Variants in DRP2 observed in about 807,000 individuals in gnomAD.
The protein encoded by DRP2 is dystrophin-related protein 2.
Under a neutral mutation model 78.2 loss-of-function variants are expected in DRP2, and 29 were observed. That is an observed-to-expected ratio of 0.37 (90% CI 0.28 to 0.51). The LOEUF (loss-of-function observed/expected upper bound fraction) is 0.51. Ranked by LOEUF, DRP2 falls within the 20% of genes least tolerant of loss-of-function variation. The probability of loss-of-function intolerance (pLI) is 0.94; values close to 1 mark genes in which losing one functional copy is unlikely to be tolerated. For missense variants in DRP2, 686 were observed against 770.6 expected (o/e 0.89, Z 1.30); for synonymous variants, 290 against 281.9 (o/e 1.03, Z -0.29).
chrX:101,251,443 G>A (rs964880593), intron 16 of DRP2: 1 of 130,812 alleles, frequency 7.6e-6, no homozygotes, highest in Middle Eastern at 3.7e-3. Context: ...TTTCTGTGAT[G>A]TATATACTCC....
chrX:101,230,475 G>A (rs990970205), intron 2 of DRP2, among the ~76,000 whole-genome samples: 1 of 111,371 alleles, frequency 9.0e-6, no homozygotes, highest in African/African-American at 3.3e-5. Flanking sequence ...GCAGTGAGCT[G>A]AGATCGCGCC....
At position 101,231,631 on chromosome X, in the gene DRP2, C is replaced by A. The variant is rs375729897; in HGVS notation, c.-17C>A. The A allele has an allele frequency of 4.2e-6, 5 of 1,181,487 alleles. No homozygotes were observed. Among genetic ancestry groups the A allele is most frequent in the South Asian group, 1.8e-5 (1 of 56,123 alleles). ...GTGCACTGCCTATCCTCATCCCCCC[C>A]ATGAGCCTTGGTTTTTATGCAACCT... On this transcript the variant is annotated 5_prime_UTR_variant, in exon 3 of 24. Coordinates refer to ENST00000395209, the MANE Select transcript of DRP2 (RefSeq NM_001939.3).
chrX:101,240,630 T>C (rs770106845), intron 6 of DRP2, among the ~76,000 whole-genome samples: 196 of 112,033 alleles, frequency 1.7e-3, no homozygotes, highest in Non-Finnish European at 3.0e-3. Flanking sequence ...ATGGGACTCA[T>C]GGTGACTAGA....
intron 2 of DRP2, among the ~76,000 whole-genome samples, chrX:101,228,771 T>A (rs1207221661): frequency 9.0e-6 from 1 of 111,197 alleles, no homozygotes; most frequent in Non-Finnish European, 1.9e-5. Context: ...TATCCAGGCA[T>A]TGTGGTGCAC....
Position 101,260,483 on chromosome X carries a change from G to A in DRP2, c.2750-14G>A, listed in dbSNP as rs745881444. ...TCTCTAGTTCTCTTCTCAAATCTCT[G>A]TTTTTTAACCCAGATGATGTGGGGT... On this transcript the variant is annotated splice_polypyrimidine_tract_variant and intron_variant, in intron 23 of 23. Transcript: ENST00000395209. 4.2e-6 allele frequency: 5 copies of A among 1,204,224 alleles called. No homozygotes were observed. Among genetic ancestry groups the A allele is most frequent in the Admixed American group, 2.2e-5 (1 of 44,980 alleles).
At chrX:101,234,076 C>A (rs976404070) in intron 3 of DRP2, among the ~76,000 whole-genome samples, 5 of 112,053 alleles carry the variant, frequency 4.5e-5, no homozygotes, top group Non-Finnish European at 7.5e-5. Flanking sequence ...ATGGCTCTGT[C>A]CCCAGATGTG....
At position 101,258,315 on chromosome X, in the gene DRP2, C is replaced by A; in HGVS notation, c.2397C>A (p.Leu799=). 1.7e-6 allele frequency: 2 copies of A among 1,175,128 alleles called. No individual in the cohort carries two copies. The highest frequency in any genetic ancestry group is 2.3e-6 in the Non-Finnish European group (2 of 876,528). Residue 799 remains leucine (L), a synonymous_variant, in exon 22 of 24, where the codon CTC becomes CTA. Coordinates refer to ENST00000395209, the MANE Select transcript of DRP2 (RefSeq NM_001939.3). ...GTGTCTCTCTCCATGGCAGGATTCT[C>A]CAGGGAGAGCTGAGGCGCCTGAAGT... ...LAHLEDENRI[L]QGELRRLKWQ...
At position 101,258,943 on chromosome X, in the gene DRP2, C is replaced by T. The variant is rs956608455; in HGVS notation, c.2628+397C>T. 2.7e-5 allele frequency among the ~76,000 whole-genome samples: 3 copies of T among 112,172 alleles called. No homozygotes were observed. The Admixed American group carries it at 2.8e-4, about 11-fold the overall frequency. The stretch of plus-strand genomic sequence containing the variant: ...TTTGCTAGAAAGAAGTGGGTTGGGA[C>T]AAGTTTGGCAAGAGAAAGATTAGTG... On this transcript the variant is annotated intron_variant, in intron 22 of 23. Transcript: ENST00000395209.
intron 10 of DRP2, 120 bp from the exon 11 acceptor site, chrX:101,245,268 G>A: frequency 1.2e-6 from 1 of 854,684 alleles, no homozygotes; most frequent in South Asian, 2.4e-5. Context: ...GGCATCTTGG[G>A]TTTACCCTCG....
Position 101,256,158 on chromosome X carries a change from A to G in DRP2, c.2287A>G (p.Thr763Ala), listed in dbSNP as rs1360127862. 6 of 1,206,908 alleles carry G rather than the reference A, an allele frequency of 5.0e-6. No homozygotes were observed. The highest frequency in any genetic ancestry group is 6.7e-6 in the Non-Finnish European group (6 of 893,400). The change falls in exon 21 of 24, where the codon ACA (threonine) becomes GCA (alanine). Residue 763 changes from threonine (T) to alanine (A), a missense_variant. Physicochemically the swap from Thr to Ala is moderately conservative, Grantham distance 58. Coordinates refer to ENST00000395209, the MANE Select transcript of DRP2 (RefSeq NM_001939.3). Reference protein sequence around the residue: ...QYLLRHSSPITDREPAFGQQA... With the variant: ...QYLLRHSSPIADREPAFGQQA... ...CCTGCTGCGGCACTCCAGCCCCATCACAGACCGGGAGCCAGCCTTTGGACA... is the reference window on the plus strand; with the variant it reads ...CCTGCTGCGGCACTCCAGCCCCATCGCAGACCGGGAGCCAGCCTTTGGACA...
chrX:101,226,179 T>C (rs1402891171), intron 2 of DRP2, among the ~76,000 whole-genome samples: 1 of 112,548 alleles, frequency 8.9e-6, no homozygotes, highest in African/African-American at 3.2e-5. Flanking sequence ...GAGTTCTTAA[T>C]TATTTTTTAA....
intron 13 of DRP2, 97 bp downstream of exon 13, chrX:101,248,387 A>G (rs1923008581): frequency 2.7e-6 from 3 of 1,105,129 alleles, no homozygotes; most frequent in Non-Finnish European, 1.2e-6. Context: ...GTAGACTTGG[A>G]CCCAGCTCAG....
At chrX:101,252,135 G>T (rs978324813) in intron 16 of DRP2, among the ~76,000 whole-genome samples, 1 of 111,951 alleles carries the variant, frequency 8.9e-6, no homozygotes, top group African/African-American at 3.2e-5. Flanking sequence ...TGCAATAATA[G>T]GTATATTATT....
At position 101,245,053 on chromosome X, in the gene DRP2, C is replaced by G; in HGVS notation, c.1091C>G (p.Pro364Arg). 1 of 1,210,122 alleles carries G rather than the reference C, an allele frequency of 8.3e-7. No individual in the cohort carries two copies. Among genetic ancestry groups the G allele is most frequent in the Non-Finnish European group, 1.1e-6 (1 of 894,627 alleles). Residue 364 changes from proline (P) to arginine (R), a missense_variant, in exon 10 of 24, where the codon CCC becomes CGC. Around this residue, in one of 2 missense-constraint regions of DRP2, gnomAD observed 423 missense variants for 531.5 expected, o/e 0.80. Transcript: ENST00000395209. ...VQVPWERAIS[P>R]NKVPYYINHQ... is the part of the protein sequence containing the mutation. Reference sequence around the variant, plus strand: ...GTTCCCTGGGAAAGAGCAATTTCACCCAATAAAGTTCCCTACTACATCAAG... The same window carrying G: ...GTTCCCTGGGAAAGAGCAATTTCACGCAATAAAGTTCCCTACTACATCAAG...
chrX:101,236,976 C>T (rs949178993), intron 4 of DRP2, among the ~76,000 whole-genome samples: 3 of 111,506 alleles, frequency 2.7e-5, no homozygotes, highest in Non-Finnish European at 3.8e-5. Flanking sequence ...CAGCTTCCTA[C>T]CATGGTTCAT....
intron 16 of DRP2, chrX:101,251,482 A>G (rs7891423): frequency 0.43 from 49,728 of 116,866 alleles, 8,387 homozygotes; most frequent in African/African-American, 0.63. Flanking sequence ...GCTATTTACA[A>G]GAGGTCTCTG....
chrX:101,251,507 C>T (rs1275361429), intron 16 of DRP2: 1 of 115,692 alleles, frequency 8.6e-6, no homozygotes, highest in African/African-American at 3.2e-5. Context: ...GAGTCAGAAA[C>T]AGATCCTCAG....
chrX:101,242,310 G>A lies in DRP2; in HGVS notation c.829-15G>A. Reference sequence around the variant, plus strand: ...CCACTCTGTCTGCTGTGGCACTTGGGTCCTGGTTCTCCAGCTGTTCAAAGA... The same window carrying A: ...CCACTCTGTCTGCTGTGGCACTTGGATCCTGGTTCTCCAGCTGTTCAAAGA... On this transcript the variant is annotated splice_polypyrimidine_tract_variant and intron_variant, in intron 7 of 23. Transcript: ENST00000395209. 8.3e-7 allele frequency: 1 copy of A among 1,208,090 alleles called. No homozygotes were observed. The highest frequency in any genetic ancestry group is 1.1e-6 in the Non-Finnish European group (1 of 893,956).
chrX:101,242,500 G>A (rs1481805758), intron 8 of DRP2, 29 bp downstream of exon 8: 2 of 1,192,407 alleles, frequency 1.7e-6, no homozygotes, highest in South Asian at 1.9e-5. Flanking sequence ...GTGAACCATG[G>A]GGAGGTGCCT....
Sources: allele counts gnomAD v4.1 joint callset (sites outside exome capture counted in the v4.1 genomes callset), GRCh38; gene constraint gnomAD v4.1.1; regional missense constraint gnomAD v4.1.1; transcripts MANE v1.5; gene names NCBI Gene and HGNC (gene_info 2026-07-23, HGNC 2026-07-21).